The following TACC1 variants were observed in gnomAD, a reference collection of about 807,000 sequenced individuals.
The protein encoded by TACC1 is transforming acidic coiled-coil containing protein 1.
TACC1 carries 48 observed loss-of-function variants against 84.4 expected under a neutral mutation model. The observed-to-expected ratio is 0.57, with a 90% CI of 0.45 to 0.72. The LOEUF (loss-of-function observed/expected upper bound fraction) is 0.72. Ranked by LOEUF, TACC1 falls within the 30% of genes least tolerant of loss-of-function variation. The pLI is 0.00. For synonymous variants in TACC1, 372 were observed against 376.3 expected (o/e 0.99, Z 0.13); for missense variants, 920 against 973.0 (o/e 0.95, Z 0.72).
chr8:38,797,799 A>G (rs1820332306), intron 2 of TACC1, among the ~76,000 whole-genome samples: 1 of 152,254 alleles, frequency 6.6e-6, no homozygotes, highest in East Asian at 1.9e-4. Context: ...CCCATCTGTT[A>G]GCACGTGCTC....
rs113136735 is a variant in TACC1, at chr8:38,827,883, C to T, written c.1660+508C>T. ...GGCGAGAGGTGGGAGGAAGAGGGGG[C>T]GGGGAGGATGCCAGGCTATTTTTAA... is the stretch of plus-strand genomic sequence containing the variant. On this transcript the variant is annotated intron_variant, in intron 5 of 12. Transcript: ENST00000317827. The T allele has an allele frequency of 2.6e-3, 402 of 156,560 alleles. 7 individuals carry two copies. The highest frequency in any genetic ancestry group is 9.0e-3 in the African/African-American group (371 of 41,378). The allele number at this position is 156,560 out of a possible 1,614,324, so 9.7% of individuals were successfully genotyped here.
At position 38,851,761 on chromosome 8, in the gene TACC1, TTAAAG is replaced by T. The variant is rs1019455865; in HGVS notation, c.*3744_*3748del. Reference sequence around the variant, plus strand: ...GATTACATGATTCAAGCGAGGGATTTTAAAGTAAAGATGTATTTATTCTGAAGAAT... The same window carrying T: ...GATTACATGATTCAAGCGAGGGATTTTAAAGATGTATTTATTCTGAAGAAT... On this transcript the variant is annotated 3_prime_UTR_variant, in exon 13 of 13. Transcript: ENST00000317827. The T allele has an allele frequency of 3.6e-5, 12 of 336,858 alleles. No homozygotes were observed. Among genetic ancestry groups the T allele is most frequent in the South Asian group, 2.8e-4 (12 of 43,514 alleles). The allele number at this position is 336,858 out of a possible 1,614,324, so 20.9% of individuals were successfully genotyped here.
intron 3 of TACC1, among the ~76,000 whole-genome samples, chr8:38,774,485 A>T (rs1473211562): frequency 3.9e-5 from 6 of 152,182 alleles, no homozygotes; most frequent in Non-Finnish European, 8.8e-5. Context: ...AAAGGTATTT[A>T]AAAATACATT....
At chr8:38,809,270 G>A (rs1563671586) in intron 2 of TACC1, among the ~76,000 whole-genome samples, 1 of 152,116 alleles carries the variant, frequency 6.6e-6, no homozygotes, top group Non-Finnish European at 1.5e-5. Flanking sequence ...ATGTGGGGGT[G>A]AAGCCATCTC....
At chr8:38,773,605 G>T (rs62505807) in intron 3 of TACC1, among the ~76,000 whole-genome samples, 21,355 of 148,438 alleles carry the variant, frequency 0.14, 1,783 homozygotes, top group Non-Finnish European at 0.19. Context: ...TATCTATCTA[G>T]CTATCTATCT....
intron 8 of TACC1, chr8:38,840,023 A>G (rs1830909195): frequency 2.8e-6 from 1 of 352,282 alleles, no homozygotes; most frequent in South Asian, 5.2e-5. Flanking sequence ...ATCTTAACAA[A>G]AACCTTTTTA....
chr8:38,752,005 C>T (rs1809129461), intron 3 of TACC1, among the ~76,000 whole-genome samples: 1 of 152,174 alleles, frequency 6.6e-6, no homozygotes, highest in African/African-American at 2.4e-5. Context: ...TCGTTAACCA[C>T]CAAGCGTAGT....
chr8:38,770,464 A>G (rs1405585433), intron 3 of TACC1, among the ~76,000 whole-genome samples: 1 of 151,742 alleles, frequency 6.6e-6, no homozygotes, highest in Non-Finnish European at 1.5e-5. Flanking sequence ...GAGCTGAATC[A>G]TGTTCTCGCC....
At chr8:38,837,524 CA>C in intron 7 of TACC1, among the ~76,000 whole-genome samples, 1 of 152,298 alleles carries the variant, frequency 6.6e-6, no homozygotes, top group South Asian at 2.1e-4. Context: ...CTCCTAGGGT[CA>C]AGCGATCCTC....
Position 38,848,148 on chromosome 8 carries a change from T to C in TACC1, c.*125T>C, listed in dbSNP as rs528827418. 2 of 790,618 alleles carry C rather than the reference T, an allele frequency of 2.5e-6. No individual in the cohort carries two copies. Among genetic ancestry groups the C allele is most frequent in the African/African-American group, 1.8e-5 (1 of 56,938 alleles). The allele number at this position is 790,618 out of a possible 1,614,324, so 49.0% of individuals were successfully genotyped here. A position where few individuals can be genotyped will look rare whatever the true frequency, so the allele number is the denominator to read the frequency against. ...AAAAAAAAAACTTAAAAAAAGCACA[T>C]GCCTACTGCTGCCTGTCCCGCTTTG... On this transcript the variant is annotated 3_prime_UTR_variant, in exon 13 of 13. Transcript: ENST00000317827.
intron 3 of TACC1, among the ~76,000 whole-genome samples, chr8:38,763,206 G>A (rs1811557725): frequency 6.6e-6 from 1 of 152,024 alleles, no homozygotes; most frequent in South Asian, 2.1e-4. Flanking sequence ...CTGGAATACA[G>A]TGGCACAAAC....
At chr8:38,773,186 C>G (rs950246572) in intron 3 of TACC1, among the ~76,000 whole-genome samples, 3 of 151,722 alleles carry the variant, frequency 2.0e-5, no homozygotes, top group Non-Finnish European at 4.4e-5. Context: ...ATTAGCCTGG[C>G]GTGGTGGCGG....
At position 38,820,440 on chromosome 8, in the gene TACC1, G is replaced by C. The variant is rs79177471; in HGVS notation, c.1196G>C (p.Ser399Thr). ...AGCCCCAGCTTCAACCCCTTTGGGA[G>C]CCACTCTGTTCTGCAGAACTCCCCA... ...WESPSFNPFG[S>T]HSVLQNSPPL... Residue 399 changes from serine (S) to threonine (T), a missense_variant, in exon 3 of 13, where the codon AGC (serine) becomes ACC (threonine). Ser to Thr is a moderately conservative substitution (Grantham distance 58). Around this residue, in one of 2 missense-constraint regions of TACC1, gnomAD observed 762 missense variants for 747.3 expected, o/e 1.02. Transcript: ENST00000317827. 18 of 1,614,024 alleles carry C rather than the reference G, an allele frequency of 1.1e-5. No homozygotes were observed. Among genetic ancestry groups the C allele is most frequent in the Non-Finnish European group, 1.3e-5 (15 of 1,180,016 alleles).
intron 2 of TACC1, chr8:38,744,018 A>G (rs1807584553): frequency 6.6e-6 from 1 of 152,204 alleles, no homozygotes; most frequent in Non-Finnish European, 1.5e-5. Context: ...TGGCTGCTTG[A>G]CGACTGGTCC....
At chr8:38,808,410 T>G (rs976405437) in intron 2 of TACC1, among the ~76,000 whole-genome samples, 5 of 152,196 alleles carry the variant, frequency 3.3e-5, no homozygotes, top group Admixed American at 2.0e-4. Context: ...TTAGGTTCTT[T>G]CCTTTCCTTT....
At chr8:38,828,448 G>T (rs1317837928) in intron 5 of TACC1, among the ~76,000 whole-genome samples, 1 of 152,186 alleles carries the variant, frequency 6.6e-6, no homozygotes, top group Non-Finnish European at 1.5e-5. Flanking sequence ...CAGAAATGAA[G>T]ACCCAAAGGA....
chr8:38,799,422 C>G (rs1281684834), intron 2 of TACC1, among the ~76,000 whole-genome samples: 1 of 152,220 alleles, frequency 6.6e-6, no homozygotes, highest in Non-Finnish European at 1.5e-5. Context: ...AAGAGTAAGG[C>G]CCCTGTGGGG....
At position 38,849,475 on chromosome 8, in the gene TACC1, G is replaced by A. The variant is rs1177056746; in HGVS notation, c.*1452G>A. On this transcript the variant is annotated 3_prime_UTR_variant, in exon 13 of 13. Coordinates refer to ENST00000317827, the MANE Select transcript of TACC1 (RefSeq NM_006283.3). ...AATCTTACATGCTGAAAGTCTTCAT[G>A]GTGATATGCACTATATTCAGTATAC... The A allele has an allele frequency of 1.3e-5, 2 of 152,170 alleles. No individual in the cohort carries two copies. The highest frequency in any genetic ancestry group is 2.9e-5 in the Non-Finnish European group (2 of 68,032). 9.4% of individuals were successfully genotyped at this position (152,170 alleles called of 1,614,324 possible).
chr8:38,775,204 CT>C (rs888696097), intron 3 of TACC1, among the ~76,000 whole-genome samples: 7 of 152,072 alleles, frequency 4.6e-5, no homozygotes, highest in African/African-American at 1.7e-4. Context: ...GAATTCATAC[CT>C]TCATACCTTC....
Sources: allele counts gnomAD v4.1 joint callset (sites outside exome capture counted in the v4.1 genomes callset), GRCh38; gene constraint gnomAD v4.1.1; regional missense constraint gnomAD v4.1.1; transcripts MANE v1.5; gene names NCBI Gene and HGNC (gene_info 2026-07-23, HGNC 2026-07-21).